ARHGEF28: variants seen among roughly 807,000 people sequenced by gnomAD.
ARHGEF28 encodes 190 kDa guanine nucleotide exchange factor.
In ARHGEF28, 152 loss-of-function variants were observed where a neutral mutation model predicts 206.6. The ratio of observed to expected loss-of-function variants is 0.74; its 90% CI spans 0.64 to 0.84. The LOEUF is 0.84. ARHGEF28 is among the 40% of genes least tolerant of loss of function. The pLI is 0.00. For synonymous variants in ARHGEF28, 763 were observed against 776.4 expected, an observed-to-expected ratio of 0.98 and a Z score of 0.29; for missense variants, 2,028 against 2,073.2, an observed-to-expected ratio of 0.98 and a Z score of 0.42.
intron 4 of ARHGEF28, among the ~76,000 whole-genome samples, chr5:73,767,397 T>C (rs954130886): frequency 6.6e-6 from 1 of 152,184 alleles, no homozygotes; most frequent in Admixed American, 6.5e-5. Flanking sequence ...TAGAGACTTG[T>C]TGAATGGCTT....
intron 1 of ARHGEF28, among the ~76,000 whole-genome samples, chr5:73,680,660 T>C (rs1747027738): frequency 6.6e-6 from 1 of 151,868 alleles, no homozygotes; most frequent in Admixed American, 6.6e-5. Context: ...CAAAAACCTA[T>C]TGAAGTAAAA....
intron 29 of ARHGEF28, among the ~76,000 whole-genome samples, chr5:73,897,541 G>A (rs1443000805): frequency 6.6e-6 from 1 of 152,182 alleles, no homozygotes; most frequent in African/African-American, 2.4e-5. Context: ...TTAATGCCTG[G>A]TATATTTATA....
intron 35 of ARHGEF28, among the ~76,000 whole-genome samples, chr5:73,938,499 A>G (rs1742345639): frequency 6.6e-6 from 1 of 152,056 alleles, no homozygotes; most frequent in South Asian, 2.1e-4. Context: ...TCACTGGATG[A>G]TTTTTCATCC....
chr5:73,727,852 T>A (rs1750376574), intron 2 of ARHGEF28, among the ~76,000 whole-genome samples: 1 of 152,046 alleles, frequency 6.6e-6, no homozygotes, highest in African/African-American at 2.4e-5. Flanking sequence ...GACCATGGGG[T>A]CATCACCTTC....
intron 9 of ARHGEF28, among the ~76,000 whole-genome samples, chr5:73,831,980 C>T (rs1757330259): frequency 1.3e-5 from 2 of 152,046 alleles, no homozygotes; most frequent in Admixed American, 6.5e-5. Context: ...CGTGAGACAC[C>T]ATGTCCGGCC....
At position 73,707,559 on chromosome 5, in the gene ARHGEF28, T is replaced by G. The variant is rs545078796; in HGVS notation, c.33+22675T>G. 2.0e-5 allele frequency among the ~76,000 whole-genome samples: 3 copies of G among 152,230 alleles called. No homozygotes were observed. The East Asian group carries it at 5.8e-4, about 29-fold the overall frequency. The stretch of plus-strand genomic sequence containing the variant: ...GCAGAAATTGGGGAATTTCCAGATA[T>G]GCAGATGCAAATTATTATCCTATGT... On this transcript the variant is annotated intron_variant, in intron 2 of 35. Transcript: ENST00000513042.
chr5:73,896,075 AAGAC>A (rs1194734030), intron 29 of ARHGEF28, among the ~76,000 whole-genome samples: 11 of 152,290 alleles, frequency 7.2e-5, no homozygotes, highest in Admixed American at 2.0e-4. Context: ...TTAGTGAGGA[AAGAC>A]AGACAATACT....
At chr5:73,672,015 C>T (rs978439353) in intron 1 of ARHGEF28, among the ~76,000 whole-genome samples, 3 of 151,452 alleles carry the variant, frequency 2.0e-5, no homozygotes, top group South Asian at 4.2e-4. Flanking sequence ...CCTTGGCCTC[C>T]CAAAGAACTT....
chr5:73,674,777 G>A (rs749572935), intron 1 of ARHGEF28, among the ~76,000 whole-genome samples: 1 of 152,202 alleles, frequency 6.6e-6, no homozygotes, highest in Non-Finnish European at 1.5e-5. Flanking sequence ...ATGATGCAAT[G>A]AGTCATGCTT....
At chr5:73,711,749 A>AT (rs914021681) in intron 2 of ARHGEF28, among the ~76,000 whole-genome samples, 6 of 151,536 alleles carry the variant, frequency 4.0e-5, no homozygotes, top group African/African-American at 1.2e-4. Context: ...TAATCTCTGT[A>AT]TTTTTTTTGT....
chr5:73,842,115 T>A (rs933769799), intron 11 of ARHGEF28, among the ~76,000 whole-genome samples: 1 of 152,212 alleles, frequency 6.6e-6, no homozygotes, highest in African/African-American at 2.4e-5. Context: ...TATTTTCTTT[T>A]GGGAACAGGC....
rs148725020 is a variant in ARHGEF28, at chr5:73,897,073, T to C, written c.3842-889T>C. On this transcript the variant is annotated intron_variant, in intron 29 of 35. Transcript: ENST00000513042. ...GAATCGTCTTCCTGGGACTTCACTC[T>C]GCTGGACAGCTTTTCCTCCTTCCTT... 9.8e-4 allele frequency among the ~76,000 whole-genome samples: 150 copies of C among 152,370 alleles called. 2 individuals are homozygous for C. The highest frequency in any genetic ancestry group is 5.1e-3 in the Admixed American group (78 of 15,308).
At chr5:73,755,895 G>A (rs1209675328) in intron 4 of ARHGEF28, among the ~76,000 whole-genome samples, 1 of 152,164 alleles carries the variant, frequency 6.6e-6, no homozygotes, top group Non-Finnish European at 1.5e-5. Flanking sequence ...ATGTCACCAG[G>A]AGGTCCTTTC....
chr5:73,924,367 T>C (rs979681985), intron 35 of ARHGEF28, among the ~76,000 whole-genome samples: 1 of 152,208 alleles, frequency 6.6e-6, no homozygotes, highest in Non-Finnish European at 1.5e-5. Context: ...GTGTTTAAAC[T>C]TACTTGGTGT....
In ARHGEF28 at chr5:73,869,230, G is replaced by C. The variant is rs377235469; in HGVS notation, c.2426-839G>C. Among the ~76,000 whole-genome samples, 268 of 117,876 alleles carry C rather than the reference G, an allele frequency of 2.3e-3. 2 individuals are homozygous for C. Among genetic ancestry groups the C allele is most frequent in the African/African-American group, 9.2e-3 (259 of 28,088 alleles). 77.3% of individuals were successfully genotyped at this position (117,876 alleles called of 152,430 possible). On this transcript the variant is annotated intron_variant, in intron 20 of 35. Coordinates refer to ENST00000513042, the MANE Select transcript of ARHGEF28 (RefSeq NM_001177693.2). ...GGAGTGTGTGTGTGGGGTGGAGGGG[G>C]GTGGGGAAGGGCATGTATGTATGTG... is the stretch of plus-strand genomic sequence containing the variant.
In ARHGEF28 at chr5:73,832,440, A is replaced by G; in HGVS notation, c.1127A>G (p.Asn376Ser). 6 of 1,612,612 alleles carry G rather than the reference A, an allele frequency of 3.7e-6. No individual in the cohort carries two copies. The highest frequency in any genetic ancestry group is 3.4e-6 in the Non-Finnish European group (4 of 1,179,384). The change falls in exon 10 of 36, where the codon AAC becomes AGC. Residue 376 changes from asparagine (N) to serine (S), a missense_variant. By Grantham distance (46) the Asn-to-Ser change is conservative. Around this residue, in one of 3 missense-constraint regions of ARHGEF28, gnomAD observed 1,002 missense variants for 1,015.3 expected, o/e 0.99. Transcript: ENST00000513042. ...AATGGAGGTGATGAAGTCTACGCTA[A>G]CTGTATGGTGATTGATCAGGTAAGG... ...MLNGGDEVYANCMVIDQVGDL... is the reference protein window; with the variant it reads ...MLNGGDEVYASCMVIDQVGDL...
chr5:73,770,217 A>T (rs1016808598), intron 4 of ARHGEF28, among the ~76,000 whole-genome samples: 13 of 152,244 alleles, frequency 8.5e-5, no homozygotes, highest in African/African-American at 3.1e-4. Context: ...AGGATTGAAT[A>T]CTCTTAGGAA....
chr5:73,881,602 G>A (rs1429804560), intron 22 of ARHGEF28, among the ~76,000 whole-genome samples: 1 of 152,174 alleles, frequency 6.6e-6, no homozygotes. Context: ...ATTCATATAA[G>A]CAAAGATGAA....
intron 6 of ARHGEF28, among the ~76,000 whole-genome samples, chr5:73,777,197 T>A (rs900934470): frequency 6.6e-6 from 1 of 152,140 alleles, no homozygotes; most frequent in African/African-American, 2.4e-5. Flanking sequence ...CACCTTTGGG[T>A]GCTATCATAG....
Sources: allele counts gnomAD v4.1 joint callset (sites outside exome capture counted in the v4.1 genomes callset), GRCh38; gene constraint gnomAD v4.1.1; regional missense constraint gnomAD v4.1.1; transcripts MANE v1.5; gene names NCBI Gene and HGNC (gene_info 2026-07-23, HGNC 2026-07-21).